Variants in SYNE3 observed in about 807,000 individuals in gnomAD.
The protein encoded by SYNE3 is nesprin-3.
In SYNE3, 100 loss-of-function variants were observed where a neutral mutation model predicts 111.2. The observed-to-expected ratio is 0.90, with a 90% CI of 0.77 to 1.06. The LOEUF (loss-of-function observed/expected upper bound fraction) is 1.06, where lower values mean the gene tolerates loss of function less well. SYNE3 is among the 50% of genes least tolerant of loss of function. SYNE3 has a pLI of 0.00. For synonymous variants in SYNE3, 547 were observed against 533.9 expected, an observed-to-expected ratio of 1.02 and a Z score of -0.34; for missense variants, 1,160 against 1,240.3, an observed-to-expected ratio of 0.94 and a Z score of 0.97.
intron 17 of SYNE3, among the ~76,000 whole-genome samples, chr14:95,423,520 T>G (rs1885252098): frequency 2.1e-5 from 2 of 97,194 alleles, no homozygotes; most frequent in Non-Finnish European, 4.1e-5. Flanking sequence ...TTGATGGGGA[T>G]GGGGATTTGA....
At chr14:95,440,107 C>T in intron 11 of SYNE3, 32 bp from the exon 12 acceptor site, 1 of 1,560,836 alleles carries the variant, frequency 6.4e-7, no homozygotes, top group Non-Finnish European at 8.6e-7. Flanking sequence ...CCAGGGCATC[C>T]TGAGTGCTGG....
intron 16 of SYNE3, among the ~76,000 whole-genome samples, chr14:95,432,962 G>A (rs1178717917): frequency 6.6e-6 from 1 of 152,082 alleles, no homozygotes; most frequent in African/African-American, 2.4e-5. Flanking sequence ...TGAATGGGAC[G>A]GTGCACACAG....
chr14:95,437,093 A>G, intron 14 of SYNE3, 112 bp from the exon 15 acceptor site: 5 of 1,318,740 alleles, frequency 3.8e-6, no homozygotes, highest in Non-Finnish European at 5.2e-6. Context: ...GATGCCCAAA[A>G]TGGCGACGGG....
In SYNE3 at chr14:95,413,946, A is replaced by C. The variant is rs903465369; in HGVS notation, c.*3880T>G. On this transcript the variant is annotated 3_prime_UTR_variant, in exon 18 of 18. Coordinates refer to ENST00000682763, the MANE Select transcript of SYNE3 (RefSeq NM_152592.6). ...CGAGGACCTCATCATGAGACATTAG[A>C]GGGGCTCATCTTCCAGGTGAGCAAT... 1.2e-4 allele frequency: 19 copies of C among 152,438 alleles called. No homozygotes were observed. Among genetic ancestry groups the C allele is most frequent in the African/African-American group, 4.6e-4 (19 of 41,552 alleles). The allele number at this position is 152,438 out of a possible 1,614,324, so 9.4% of individuals were successfully genotyped here.
intron 4 of SYNE3, among the ~76,000 whole-genome samples, chr14:95,462,421 C>A (rs990292534): frequency 6.6e-6 from 1 of 152,210 alleles, no homozygotes; most frequent in African/African-American, 2.4e-5. Context: ...CTTCTCCATG[C>A]AGGGTCCAGC....
At chr14:95,427,912 A>C (rs891335585) in intron 17 of SYNE3, among the ~76,000 whole-genome samples, 1 of 152,236 alleles carries the variant, frequency 6.6e-6, no homozygotes, top group African/African-American at 2.4e-5. Flanking sequence ...TTTTGAGAGA[A>C]AGTTATGATC....
chr14:95,444,622 G>T lies in SYNE3; in HGVS notation c.1639C>A (p.Leu547Ile). 6.3e-7 allele frequency: 1 copy of T among 1,586,114 alleles called. No individual in the cohort carries two copies. Among genetic ancestry groups the T allele is most frequent in the Non-Finnish European group, 8.6e-7 (1 of 1,163,620 alleles). The change falls in exon 10 of 18, where the codon CTC (leucine) becomes ATC (isoleucine). Residue 547 changes from leucine (L) to isoleucine (I), a missense_variant. Transcript: ENST00000682763. Reference protein sequence around the residue: ...LQRKSKLQSLLAQHKDFGAAF... With the variant: ...LQRKSKLQSLIAQHKDFGAAF... ...GCTCCAAAGTCTTTGTGCTGAGCGA[G>T]CAGGCTCTGCAGAGACACAGGACAG...
At chr14:95,515,363 A>G (rs112993115) in intron 1 of SYNE3, among the ~76,000 whole-genome samples, 21 of 152,292 alleles carry the variant, frequency 1.4e-4, no homozygotes, top group African/African-American at 5.1e-4. Context: ...GTTGGCACTG[A>G]TATGCCCCTC....
intron 1 of SYNE3, among the ~76,000 whole-genome samples, chr14:95,499,153 T>C (rs566809112): frequency 6.6e-6 from 1 of 152,302 alleles, no homozygotes; most frequent in East Asian, 1.9e-4. Flanking sequence ...ATCCAGAGGC[T>C]TAGGCACGAG....
At chr14:95,507,996 A>T (rs1890590252) in intron 1 of SYNE3, among the ~76,000 whole-genome samples, 1 of 152,198 alleles carries the variant, frequency 6.6e-6, no homozygotes. Context: ...TGTGAGAGCC[A>T]CTGGGGGCTG....
At chr14:95,429,446 C>T (rs1224836174) in intron 17 of SYNE3, among the ~76,000 whole-genome samples, 1 of 152,054 alleles carries the variant, frequency 6.6e-6, no homozygotes, top group African/African-American at 2.4e-5. Context: ...CACCTGGGAT[C>T]GTGTTAGAAA....
chr14:95,415,283 C>CG lies in SYNE3; in HGVS notation c.*2542_*2543insC, dbSNP rs1555402214. 4 of 135,348 alleles carry CG rather than the reference C, an allele frequency of 3.0e-5. No homozygotes were observed. The highest frequency in any genetic ancestry group is 5.3e-5 in the African/African-American group (2 of 37,778). 8.4% of individuals were successfully genotyped at this position (135,348 alleles called of 1,614,324 possible). A position where few individuals can be genotyped will look rare whatever the true frequency, so the allele number is the denominator to read the frequency against. On this transcript the variant is annotated 3_prime_UTR_variant, in exon 18 of 18. Transcript: ENST00000682763. Reference sequence around the variant, plus strand: ...AAGTGGACACCTGGCAAGGCCCCCCCACCCACCCACCCTGCCACTGCTCTG... The same window carrying CG: ...AAGTGGACACCTGGCAAGGCCCCCCCGACCCACCCACCCTGCCACTGCTCTG...
At chr14:95,489,365 G>C (rs2139564132) in intron 1 of SYNE3, among the ~76,000 whole-genome samples, 1 of 152,316 alleles carries the variant, frequency 6.6e-6, no homozygotes, top group Non-Finnish European at 1.5e-5. Context: ...CCTGGAATAA[G>C]GATTGAAAAT....
rs57893116 is a variant in SYNE3 at position 95,447,704 on chromosome 14, C to G, written c.1450-1613G>C. ...TGTAGGGGAGTCAGTCACCTTTACC[C>G]CCTTTTCACCAAGCTCAGACACAAT... On this transcript the variant is annotated intron_variant, in intron 8 of 17. Coordinates refer to ENST00000682763, the MANE Select transcript of SYNE3 (RefSeq NM_152592.6). Among the ~76,000 whole-genome samples, 745 of 152,252 alleles carry G rather than the reference C, an allele frequency of 4.9e-3. 5 individuals are homozygous for G. The highest frequency in any genetic ancestry group is 0.017 in the African/African-American group (708 of 41,552).
chr14:95,483,594 G>A (rs1394706676), intron 1 of SYNE3, among the ~76,000 whole-genome samples: 3 of 152,112 alleles, frequency 2.0e-5, no homozygotes, highest in African/African-American at 7.2e-5. Flanking sequence ...CTCCTCTGTG[G>A]CACTGGCAGA....
At chr14:95,434,446 C>A (rs1006324356) in intron 15 of SYNE3, among the ~76,000 whole-genome samples, 2 of 152,100 alleles carry the variant, frequency 1.3e-5, no homozygotes, top group South Asian at 4.1e-4. Flanking sequence ...GTTCATTCAC[C>A]CTTTTGCTGA....
chr14:95,491,073 G>C (rs1472271807), intron 1 of SYNE3, among the ~76,000 whole-genome samples: 1 of 152,206 alleles, frequency 6.6e-6, no homozygotes, highest in Non-Finnish European at 1.5e-5. Flanking sequence ...GGCTGTTCTT[G>C]GGGCCAGGTC....
intron 17 of SYNE3, among the ~76,000 whole-genome samples, chr14:95,421,075 G>A (rs575522805): frequency 5.3e-5 from 8 of 152,260 alleles, no homozygotes; most frequent in Admixed American, 2.6e-4. Context: ...CATGTAAGAT[G>A]TGCCTTTCTT....
Position 95,452,350 on chromosome 14 carries a change from G to A in SYNE3, c.1171C>T (p.Arg391Trp), listed in dbSNP as rs143414368. The A allele has an allele frequency of 4.5e-5, 72 of 1,613,054 alleles. No individual in the cohort carries two copies. Among genetic ancestry groups the A allele is most frequent in the African/African-American group, 8.0e-5 (6 of 74,930 alleles). The change falls in exon 7 of 18, where the codon CGG becomes TGG. Residue 391 changes from arginine to tryptophan, a missense_variant. Physicochemically the swap from Arg to Trp is moderately radical, Grantham distance 101. Transcript: ENST00000682763. ...AGCTGGGCTTGCAGCCGGTCCACCC[G>A]GGGCTCCTCCGAGGCCAGCGCCGCC... ...TRAALASEEPRVDRLQAQLKE... is the reference protein window; with the variant it reads ...TRAALASEEPWVDRLQAQLKE...
Sources: allele counts gnomAD v4.1 joint callset (sites outside exome capture counted in the v4.1 genomes callset), GRCh38; gene constraint gnomAD v4.1.1; transcripts MANE v1.5; gene names NCBI Gene and HGNC (gene_info 2026-07-23, HGNC 2026-07-21).